The following PTPRT variants were observed in gnomAD, a reference collection of about 807,000 sequenced individuals.
PTPRT encodes the protein receptor-type tyrosine-protein phosphatase T.
Under a neutral mutation model 176.8 loss-of-function variants are expected in PTPRT, and 56 were observed. The ratio of observed to expected loss-of-function variants is 0.32; its 90% CI spans 0.26 to 0.40. The LOEUF is 0.40. Ranked by LOEUF, PTPRT falls within the 10% of genes least tolerant of loss-of-function variation. PTPRT has a pLI of 1.00. For synonymous variants in PTPRT, 783 were observed against 739.0 expected, an observed-to-expected ratio of 1.06 and a Z score of -0.96; for missense variants, 1,540 against 1,908.2, an observed-to-expected ratio of 0.81 and a Z score of 3.60.
intron 1 of PTPRT, among the ~76,000 whole-genome samples, chr20:43,177,045 T>C (rs1367210917): frequency 6.6e-6 from 1 of 152,160 alleles, no homozygotes; most frequent in Non-Finnish European, 1.5e-5. Flanking sequence ...AATGTATAAG[T>C]TTGGGAGCAC....
chr20:42,568,425 G>C (rs1187420452), intron 7 of PTPRT, among the ~76,000 whole-genome samples: 2 of 152,156 alleles, frequency 1.3e-5, no homozygotes, highest in Admixed American at 1.3e-4. Context: ...GAGAGAACAA[G>C]TGATGTGTTT....
intron 23 of PTPRT, 147 bp downstream of exon 23, chr20:42,110,186 A>T: frequency 1.5e-6 from 1 of 665,810 alleles, no homozygotes; most frequent in Non-Finnish European, 2.2e-6. Context: ...AGCTGGGATT[A>T]CAGATGTATG....
intron 1 of PTPRT, among the ~76,000 whole-genome samples, chr20:42,898,799 A>C (rs1046561666): frequency 4.6e-5 from 7 of 152,054 alleles, no homozygotes; most frequent in Non-Finnish European, 8.8e-5. Context: ...ACCAAGGAGA[A>C]AGTGCGATGA....
At chr20:42,132,932 T>C (rs1317083413) in intron 18 of PTPRT, among the ~76,000 whole-genome samples, 5 of 152,154 alleles carry the variant, frequency 3.3e-5, no homozygotes, top group South Asian at 4.2e-4. Flanking sequence ...TGTCCTTCAA[T>C]AGGTGAATGG....
intron 7 of PTPRT, among the ~76,000 whole-genome samples, chr20:42,477,954 G>A (rs933864994): frequency 2.0e-5 from 3 of 152,204 alleles, no homozygotes; most frequent in African/African-American, 7.2e-5. Flanking sequence ...GGGGCCAATG[G>A]GCTGGCCAAA....
chr20:42,984,471 C>T (rs1037516210), intron 1 of PTPRT, among the ~76,000 whole-genome samples: 4 of 152,358 alleles, frequency 2.6e-5, no homozygotes, highest in Admixed American at 6.5e-5. Flanking sequence ...AGAGCTTTCT[C>T]ATTATTCTAA....
At chr20:42,669,669 C>G (rs59262084) in intron 7 of PTPRT, among the ~76,000 whole-genome samples, 9,097 of 152,258 alleles carry the variant, frequency 0.06, 859 homozygotes, top group African/African-American at 0.2. Context: ...TGATGCTGTT[C>G]TATTTTCTAG....
At chr20:42,055,128 G>A in the PTPRT span, among the ~76,000 whole-genome samples, 2 of 152,136 alleles carry the variant, frequency 1.3e-5, no homozygotes, top group African/African-American at 4.8e-5. Context: ...ATTGCTTTTC[G>A]GGAGTATTCC....
intron 1 of PTPRT, among the ~76,000 whole-genome samples, chr20:43,060,312 C>T (rs1044809407): frequency 1.5e-4 from 23 of 152,160 alleles, no homozygotes; most frequent in Non-Finnish European, 2.6e-4. Context: ...TGAGGACCTG[C>T]GTCCTGGAAC....
At chr20:42,681,806 T>A (rs1043736992) in intron 6 of PTPRT, among the ~76,000 whole-genome samples, 1 of 152,166 alleles carries the variant, frequency 6.6e-6, no homozygotes, top group Non-Finnish European at 1.5e-5. Flanking sequence ...TAAGAGCTTA[T>A]GGATCCATAA....
intron 1 of PTPRT, among the ~76,000 whole-genome samples, chr20:42,924,288 G>C (rs544372819): frequency 3.7e-4 from 56 of 152,250 alleles, no homozygotes; most frequent in African/African-American, 1.3e-3. Context: ...GATGATCTTT[G>C]GGTTTAAAGC....
At chr20:43,134,317 T>C (rs1223101003) in intron 1 of PTPRT, among the ~76,000 whole-genome samples, 1 of 152,206 alleles carries the variant, frequency 6.6e-6, no homozygotes, top group Non-Finnish European at 1.5e-5. Context: ...ATCTGTGTAC[T>C]TCCTTGTAAA....
At chr20:43,145,124 T>A (rs186448295) in intron 1 of PTPRT, among the ~76,000 whole-genome samples, 1 of 152,374 alleles carries the variant, frequency 6.6e-6, no homozygotes, top group East Asian at 1.9e-4. Flanking sequence ...TTTGTAATTT[T>A]CTGCCCATTT....
chr20:42,461,538 A>G (rs2071019815), intron 8 of PTPRT, among the ~76,000 whole-genome samples: 1 of 152,160 alleles, frequency 6.6e-6, no homozygotes, highest in African/African-American at 2.4e-5. Flanking sequence ...CTATCTTTAA[A>G]ACAAAAACAA....
intron 8 of PTPRT, among the ~76,000 whole-genome samples, chr20:42,469,197 T>C (rs569578697): frequency 2.6e-5 from 4 of 152,212 alleles, no homozygotes; most frequent in African/African-American, 9.6e-5. Flanking sequence ...ATAAGATAAG[T>C]ACTTTAATTA....
intron 14 of PTPRT, among the ~76,000 whole-genome samples, chr20:42,238,540 A>T (rs1197042303): frequency 6.6e-6 from 1 of 152,230 alleles, no homozygotes; most frequent in South Asian, 2.1e-4. Context: ...TGGCAGGTCC[A>T]GTGCCTGGAA....
At chr20:42,941,091 T>A (rs206648) in intron 1 of PTPRT, among the ~76,000 whole-genome samples, 14,570 of 146,214 alleles carry the variant, frequency 0.1, 1,209 homozygotes, top group African/African-American at 0.24. Flanking sequence ...CAAAAAAAAA[T>A]AATAATAATA....
chr20:42,054,385 A>G, the PTPRT span, among the ~76,000 whole-genome samples: 4 of 152,206 alleles, frequency 2.6e-5, no homozygotes, highest in Admixed American at 6.5e-5. Flanking sequence ...GATATTTTGC[A>G]CTTTAGAGAG....
chr20:42,960,209 A>G (rs1406354835), intron 1 of PTPRT, among the ~76,000 whole-genome samples: 1 of 152,190 alleles, frequency 6.6e-6, no homozygotes, highest in Non-Finnish European at 1.5e-5. Flanking sequence ...ATACAACAAA[A>G]TACCTTAGAC....
Sources: allele counts gnomAD v4.1 joint callset (sites outside exome capture counted in the v4.1 genomes callset), GRCh38; gene constraint gnomAD v4.1.1; transcripts MANE v1.5; gene names NCBI Gene and HGNC (gene_info 2026-07-23, HGNC 2026-07-21).